PTGR1: variants seen among roughly 807,000 people sequenced by gnomAD.
PTGR1 encodes the protein 15-oxoprostaglandin 13-reductase.
A neutral mutation model predicts 37.7 loss-of-function variants in PTGR1; 23 were observed. That is an observed-to-expected ratio of 0.61 (90% CI 0.44 to 0.86). The LOEUF is 0.86. Among genes scored for constraint, PTGR1 ranks in the 40% least tolerant of loss-of-function variants. The probability of loss-of-function intolerance (pLI) is 0.00; values close to 1 mark genes in which losing one functional copy is unlikely to be tolerated. For missense variants in PTGR1, 351 were observed against 394.3 expected (o/e 0.89, Z 0.93); for synonymous variants, 134 against 140.0 (o/e 0.96, Z 0.30).
chr9:111,561,991 T>G (rs1286068275), downstream of PTGR1, among the ~76,000 whole-genome samples: 1 of 150,704 alleles, frequency 6.6e-6, no homozygotes, highest in Non-Finnish European at 1.5e-5. Flanking sequence ...GCTCAAGCGA[T>G]TTTCCTGCCT....
intron 6 of PTGR1, among the ~76,000 whole-genome samples, chr9:111,580,839 T>C (rs2132401722): frequency 6.6e-6 from 1 of 152,090 alleles, no homozygotes; most frequent in South Asian, 2.1e-4. Context: ...AAGAGCCTCC[T>C]AAGTGGACTT....
intron 6 of PTGR1, among the ~76,000 whole-genome samples, chr9:111,580,466 C>T (rs376987302): frequency 2.1e-4 from 32 of 152,112 alleles, no homozygotes; most frequent in South Asian, 1.7e-3. Flanking sequence ...CCTTAAAATC[C>T]GACTCTGGGC....
Position 111,574,809 on chromosome 9 carries a change from G to C in PTGR1, c.685C>G (p.Gln229Glu). 1 of 1,613,666 alleles carries C rather than the reference G, an allele frequency of 6.2e-7. No homozygotes were observed. Among genetic ancestry groups the C allele is most frequent in the African/African-American group, 1.3e-5 (1 of 74,962 alleles). The change falls in exon 8 of 10, where the codon CAG becomes GAG. Residue 229 changes from glutamine to glutamate, a missense_variant. By Grantham distance (29) the Gln-to-Glu change is conservative. Transcript: ENST00000407693. Reference protein sequence around the residue: ...GGEFSNTVIGQMKKFGRIAIC... With the variant: ...GGEFSNTVIGEMKKFGRIAIC... ...GCAATCCTTCCAAATTTCTTCATCT[G>C]GCCGATAACAGTGTTTGAAAACTCT...
intron 8 of PTGR1, among the ~76,000 whole-genome samples, chr9:111,572,910 G>A (rs1197793383): frequency 6.6e-6 from 1 of 152,076 alleles, no homozygotes; most frequent in South Asian, 2.1e-4. Flanking sequence ...GTGTTGATGA[G>A]AATGTTGGTT....
intron 4 of PTGR1, among the ~76,000 whole-genome samples, chr9:111,590,020 C>G (rs929031156): frequency 1.3e-5 from 2 of 152,162 alleles, no homozygotes; most frequent in East Asian, 3.8e-4. Context: ...TAAATACTTA[C>G]AATTTTATCA....
intron 8 of PTGR1, among the ~76,000 whole-genome samples, chr9:111,573,644 C>T (rs781321502): frequency 4.6e-5 from 7 of 152,082 alleles, no homozygotes; most frequent in African/African-American, 9.7e-5. Flanking sequence ...GTAGCAGAAA[C>T]AGACTCTGTA....
At chr9:111,555,825 G>C (rs1251379687) in intron 9 of PTGR1, among the ~76,000 whole-genome samples, 3 of 152,142 alleles carry the variant, frequency 2.0e-5, no homozygotes, top group Non-Finnish European at 4.4e-5. Flanking sequence ...AACAGATTTG[G>C]GTGGGGACAC....
downstream of PTGR1, among the ~76,000 whole-genome samples, chr9:111,558,822 TAAC>T (rs1297083797): frequency 6.6e-6 from 1 of 152,162 alleles, no homozygotes; most frequent in Non-Finnish European, 1.5e-5. Flanking sequence ...AATTCCAATC[TAAC>T]ACCACAAGGT....
intron 9 of PTGR1, among the ~76,000 whole-genome samples, chr9:111,565,044 A>G (rs1403962128): frequency 6.6e-6 from 1 of 152,156 alleles, no homozygotes; most frequent in East Asian, 1.9e-4. Flanking sequence ...GAATCACATG[A>G]ACCCGGCAGG....
chr9:111,590,841 T>C lies in PTGR1; in HGVS notation c.209+2085A>G, dbSNP rs189857182. On this transcript the variant is annotated intron_variant, in intron 4 of 9. Coordinates refer to ENST00000407693, the MANE Select transcript of PTGR1 (RefSeq NM_001146108.2). ...ATGCTCCTGGAAGAATTATTTGTCATAGAAAAAATTGAAAACAGTTGTTAT... is the reference window on the plus strand; with the variant it reads ...ATGCTCCTGGAAGAATTATTTGTCACAGAAAAAATTGAAAACAGTTGTTAT... Among the ~76,000 whole-genome samples the C allele has an allele frequency of 1.6e-4, 24 of 152,262 alleles. 1 individual carries two copies. Among genetic ancestry groups the C allele is most frequent in the Admixed American group, 1.6e-3 (24 of 15,302 alleles).
intron 3 of PTGR1, among the ~76,000 whole-genome samples, chr9:111,593,932 C>T (rs1589322563): frequency 6.8e-6 from 1 of 147,068 alleles, no homozygotes; most frequent in South Asian, 2.1e-4. Flanking sequence ...TTTTTTTTTC[C>T]TTCTTTTTTT....
intron 9 of PTGR1, among the ~76,000 whole-genome samples, chr9:111,554,316 C>A (rs1221200075): frequency 6.6e-6 from 1 of 152,180 alleles, no homozygotes; most frequent in Non-Finnish European, 1.5e-5. Flanking sequence ...GAAGTCACTT[C>A]TACTCTTCCG....
intron 4 of PTGR1, among the ~76,000 whole-genome samples, chr9:111,587,131 A>G (rs1829457056): frequency 1.3e-5 from 2 of 151,900 alleles, no homozygotes; most frequent in Non-Finnish European, 1.5e-5. Flanking sequence ...TTTCCACTCT[A>G]TTAACACAGG....
downstream of PTGR1, among the ~76,000 whole-genome samples, chr9:111,561,873 TTTTTG>T (rs545283246): frequency 1.2e-4 from 18 of 152,248 alleles, no homozygotes; most frequent in South Asian, 2.1e-4. Flanking sequence ...TGCTGTTGTT[TTTTTG>T]TTTTGTTTTG....
chr9:111,560,926 G>A (rs1473881031), downstream of PTGR1, among the ~76,000 whole-genome samples: 1 of 135,110 alleles, frequency 7.4e-6, no homozygotes, highest in African/African-American at 2.8e-5. Context: ...CTGGGCAACA[G>A]AGTGAGACTC....
chr9:111,562,276 C>CTT (rs35900341), downstream of PTGR1, among the ~76,000 whole-genome samples: 123 of 140,500 alleles, frequency 8.8e-4, 1 homozygote, highest in Middle Eastern at 3.8e-3. Context: ...AAGCAGTAAA[C>CTT]TTTTTTTTTT....
chr9:111,588,069 A>G (rs1371196091), intron 4 of PTGR1, among the ~76,000 whole-genome samples: 1 of 143,528 alleles, frequency 7.0e-6, no homozygotes, highest in Non-Finnish European at 1.5e-5. Context: ...GCTGGAGTGT[A>G]GTGGTGCGAT....
chr9:111,577,651 C>G (rs1005406171), intron 7 of PTGR1: 1 of 152,150 alleles, frequency 6.6e-6, no homozygotes, highest in Non-Finnish European at 1.5e-5. Flanking sequence ...TCCAGACCAG[C>G]CTGGGCAACA....
At chr9:111,594,546 A>ATTTT (rs1554820447) in intron 2 of PTGR1, among the ~76,000 whole-genome samples, 1 of 127,420 alleles carries the variant, frequency 7.8e-6, no homozygotes, top group African/African-American at 2.9e-5. Context: ...CGTTTTTGGC[A>ATTTT]TTCTTTTTTT....
Sources: allele counts gnomAD v4.1 joint callset (sites outside exome capture counted in the v4.1 genomes callset), GRCh38; gene constraint gnomAD v4.1.1; transcripts MANE v1.5; gene names NCBI Gene and HGNC (gene_info 2026-07-23, HGNC 2026-07-21).